PPARA: variants seen among roughly 807,000 people sequenced by gnomAD.
PPARA encodes peroxisome proliferator activated receptor alpha.
A neutral mutation model predicts 42.2 loss-of-function variants in PPARA; 22 were observed. The observed-to-expected ratio is 0.52, with a 90% CI of 0.37 to 0.74. The LOEUF is 0.74. PPARA is among the 30% of genes least tolerant of loss of function. PPARA has a pLI of 0.00. For missense variants in PPARA, 465 were observed against 608.2 expected (o/e 0.76, Z 2.48); for synonymous variants, 242 against 239.3 (o/e 1.01, Z -0.10).
At chr22:46,185,922 T>C (rs1283565149) in intron 3 of PPARA, among the ~76,000 whole-genome samples, 1 of 12,498 alleles carries the variant, frequency 8.0e-5, no homozygotes, top group South Asian at 3.2e-3. Flanking sequence ...AAAAAATATA[T>C]ATATATATAT....
At chr22:46,166,630 A>AAC (rs934189726) in intron 2 of PPARA, among the ~76,000 whole-genome samples, 3 of 152,028 alleles carry the variant, frequency 2.0e-5, no homozygotes, top group African/African-American at 7.2e-5. Flanking sequence ...AAAAAAAAAA[A>AAC]ACAAAAAACA....
In PPARA at chr22:46,171,716, G is replaced by C. The variant is rs1026052454; in HGVS notation, c.-126-5037G>C. ...GTGACTCGAGCAGTGTCCTGGAGAG[G>C]AGGAGGAGGAGAAAGAGGTCAGGAG... On this transcript the variant is annotated intron_variant, in intron 2 of 8. Transcript: ENST00000407236. This position sits in a 1 kb window ranked among gnomAD's most constrained non-coding sequence, Gnocchi z 5.0. Among the ~76,000 whole-genome samples, 1 of 152,166 alleles carries C rather than the reference G, an allele frequency of 6.6e-6. No individual in the cohort carries two copies. Among genetic ancestry groups the C allele is most frequent in the Non-Finnish European group, 1.5e-5 (1 of 68,036 alleles).
rs368983689 is a variant in PPARA at position 46,231,634 on chromosome 22, T to C, written c.712-158T>C. Among the ~76,000 whole-genome samples the C allele has an allele frequency of 1.3e-5, 2 of 152,182 alleles. No homozygotes were observed. Among genetic ancestry groups the C allele is most frequent in the East Asian group, 1.9e-4 (1 of 5,196 alleles). On this transcript the variant is annotated intron_variant, in intron 7 of 8. Coordinates refer to ENST00000407236, the MANE Select transcript of PPARA (RefSeq NM_005036.6). The surrounding 1 kb of genome is among the most constrained non-coding windows in gnomAD (Gnocchi z 7.7). ...TAATGTCTTATTTTCCCCAACCGAT[T>C]TTGAAGTTGAGTAAGGACTATGTTC...
In PPARA at chr22:46,163,299, G is replaced by C. The variant is rs1411465290; in HGVS notation, c.-127+11329G>C. 1 of 152,214 alleles carries C rather than the reference G, an allele frequency of 6.6e-6. No individual in the cohort carries two copies. The highest frequency in any genetic ancestry group is 2.4e-5 in the African/African-American group (1 of 41,456). The allele number at this position is 152,214 out of a possible 1,614,324, so 9.4% of individuals were successfully genotyped here. Reference sequence around the variant, plus strand: ...TAGTTCTCCTGATTATGATCTTAAAGGCATTAAGCGCTCAAGTTAAACTCC... The same window carrying C: ...TAGTTCTCCTGATTATGATCTTAAACGCATTAAGCGCTCAAGTTAAACTCC... On this transcript the variant is annotated intron_variant, in intron 2 of 8. Transcript: ENST00000407236. The surrounding 1 kb of genome is among the most constrained non-coding windows in gnomAD (Gnocchi z 4.9).
chr22:46,179,175 A>G (rs1370692617), intron 3 of PPARA, among the ~76,000 whole-genome samples: 1 of 152,210 alleles, frequency 6.6e-6, no homozygotes, highest in Non-Finnish European at 1.5e-5. Context: ...CTACCTTCAA[A>G]TGCTATCAAC....
chr22:46,161,599 T>C lies in PPARA; in HGVS notation c.-127+9629T>C, dbSNP rs1473822967. ...CTCCATCTCAAAAATAATAAGTAAA[T>C]AAATAAATAAATAAAAATTAGAACT... On this transcript the variant is annotated intron_variant, in intron 2 of 8. Transcript: ENST00000407236. The surrounding 1 kb of genome is among the most constrained non-coding windows in gnomAD (Gnocchi z 4.8). 6.6e-6 allele frequency among the ~76,000 whole-genome samples: 1 copy of C among 151,802 alleles called. No individual in the cohort carries two copies. The highest frequency in any genetic ancestry group is 1.5e-5 in the Non-Finnish European group (1 of 67,930).
rs192283769 is a variant in PPARA at position 46,211,704 on chromosome 22, G to A, written c.209-3469G>A. ...CCTTCTCTCTCTTTCTTGCTTTCTC[G>A]CCTTCTTGTCTTGCTCTGTCACCCA... On this transcript the variant is annotated intron_variant, in intron 4 of 8. Coordinates refer to ENST00000407236, the MANE Select transcript of PPARA (RefSeq NM_005036.6). The surrounding 1 kb of genome is among the most constrained non-coding windows in gnomAD (Gnocchi z 4.1). Among the ~76,000 whole-genome samples the A allele has an allele frequency of 4.6e-5, 7 of 151,958 alleles. No homozygotes were observed. Among genetic ancestry groups the A allele is most frequent in the Admixed American group, 1.3e-4 (2 of 15,226 alleles).
intron 4 of PPARA, among the ~76,000 whole-genome samples, chr22:46,214,257 T>C (rs914434696): frequency 2.0e-5 from 3 of 152,126 alleles, no homozygotes; most frequent in Admixed American, 2.0e-4. Context: ...CCCATAGATG[T>C]GCAGGTCTGG....
At position 46,203,894 on chromosome 22, in the gene PPARA, G is replaced by C. The variant is rs1235874760; in HGVS notation, c.208+5303G>C. On this transcript the variant is annotated intron_variant, in intron 4 of 8. Transcript: ENST00000407236. The surrounding 1 kb of genome is among the most constrained non-coding windows in gnomAD (Gnocchi z 5.8). The stretch of plus-strand genomic sequence containing the variant: ...CCTGAGGTAAACACTTGTGGGGCAG[G>C]TTGCAGATTCTCTGGGGACGCCCCC... Among the ~76,000 whole-genome samples, 1 of 152,246 alleles carries C rather than the reference G, an allele frequency of 6.6e-6. No individual in the cohort carries two copies. The highest frequency in any genetic ancestry group is 2.4e-5 in the African/African-American group (1 of 41,468).
intron 2 of PPARA, among the ~76,000 whole-genome samples, chr22:46,168,570 A>G (rs749857913): frequency 6.6e-6 from 1 of 151,868 alleles, no homozygotes; most frequent in African/African-American, 2.4e-5. Context: ...ATTCAATAAG[A>G]TGTCAAACAA....
chr22:46,205,840 C>T (rs1242704410), intron 4 of PPARA, among the ~76,000 whole-genome samples: 1 of 151,740 alleles, frequency 6.6e-6, no homozygotes. Context: ...TATGAAATTG[C>T]TGTTGTAATC....
In PPARA at chr22:46,231,912, T is replaced by C. The variant is rs753857353; in HGVS notation, c.832T>C (p.Cys278Arg). ...AEVRIFHCCQ[C>R]TSVETVTELT... ...GGTCCGCATCTTTCACTGCTGCCAG[T>C]GCACGTCAGTGGAGACCGTCACGGA... The change falls in exon 8 of 9, where the codon TGC becomes CGC. Residue 278 changes from cysteine to arginine, a missense_variant. Physicochemically the swap from Cys to Arg is radical, Grantham distance 180. This residue lies in a region of PPARA where 313 missense variants were observed against 469.1 expected (regional missense o/e 0.67). Coordinates refer to ENST00000407236, the MANE Select transcript of PPARA (RefSeq NM_005036.6). The surrounding 1 kb of genome is among the most constrained non-coding windows in gnomAD (Gnocchi z 7.7). The C allele has an allele frequency of 1.2e-6, 2 of 1,614,210 alleles. No individual in the cohort carries two copies. Among genetic ancestry groups the C allele is most frequent in the Admixed American group, 3.3e-5 (2 of 60,024 alleles).
chr22:46,175,660 G>A (rs1775741091), intron 2 of PPARA, among the ~76,000 whole-genome samples: 4 of 151,182 alleles, frequency 2.6e-5, no homozygotes, highest in African/African-American at 9.7e-5. Context: ...CTTGTAGTGA[G>A]CTGAAATCAC....
chr22:46,151,784 G>T (rs1027372050), intron 1 of PPARA, 104 bp from the exon 2 acceptor site: 4 of 152,266 alleles, frequency 2.6e-5, no homozygotes, highest in African/African-American at 7.2e-5. Context: ...CACCCGTGTC[G>T]TTGCGGGGCA....
At chr22:46,158,590 A>C (rs1351213888) in intron 2 of PPARA, among the ~76,000 whole-genome samples, 3 of 152,194 alleles carry the variant, frequency 2.0e-5, no homozygotes, top group Non-Finnish European at 4.4e-5. Context: ...ATAATTCAGC[A>C]ATATGGCTTG....
chr22:46,198,697 G>A, intron 4 of PPARA, 106 bp downstream of exon 4: 2 of 1,168,260 alleles, frequency 1.7e-6, no homozygotes, highest in Non-Finnish European at 2.4e-6. Context: ...GTCTCGCTCT[G>A]TCGCCCAGGC....
In PPARA at chr22:46,216,777, C is replaced by T. The variant is rs1285170285; in HGVS notation, c.369+1444C>T. On this transcript the variant is annotated intron_variant, in intron 5 of 8. Coordinates refer to ENST00000407236, the MANE Select transcript of PPARA (RefSeq NM_005036.6). This position sits in a 1 kb window ranked among gnomAD's most constrained non-coding sequence, Gnocchi z 4.5. ...GCAGGCCCTGTTGTCCTGCATGCTG[C>T]CAGCTGGACTGGTGGCCCTTCCGTG... Among the ~76,000 whole-genome samples the T allele has an allele frequency of 3.3e-5, 5 of 152,198 alleles. No individual in the cohort carries two copies. The highest frequency in any genetic ancestry group is 4.8e-5 in the African/African-American group (2 of 41,448).
At chr22:46,186,705 T>C (rs1930862257) in intron 3 of PPARA, among the ~76,000 whole-genome samples, 2 of 151,870 alleles carry the variant, frequency 1.3e-5, no homozygotes, top group African/African-American at 4.8e-5. Context: ...AGAGCGAGAC[T>C]CTGTCTCAAA....
chr22:46,174,489 C>G (rs1175170765), intron 2 of PPARA, among the ~76,000 whole-genome samples: 1 of 151,994 alleles, frequency 6.6e-6, no homozygotes, highest in Non-Finnish European at 1.5e-5. Flanking sequence ...AGCTGCAGAG[C>G]AGAAAACCTG....
Sources: allele counts gnomAD v4.1 joint callset (sites outside exome capture counted in the v4.1 genomes callset), GRCh38; gene constraint gnomAD v4.1.1; regional missense constraint gnomAD v4.1.1; non-coding constraint Gnocchi (gnomAD v3.1); transcripts MANE v1.5; gene names NCBI Gene and HGNC (gene_info 2026-07-23, HGNC 2026-07-21).